EYS: variants seen among roughly 807,000 people sequenced by gnomAD.
EYS encodes the protein EGF-like photoreceptor maintenance factor, also known as protein eyes shut homolog.
EYS carries 250 observed loss-of-function variants against 282.1 expected under a neutral mutation model. That is an observed-to-expected ratio of 0.89 (90% CI 0.80 to 0.98). The LOEUF (loss-of-function observed/expected upper bound fraction) is 0.98, where lower values mean the gene tolerates loss of function less well. Among genes scored for constraint, EYS ranks in the 50% least tolerant of loss-of-function variants. The pLI is 0.00. For synonymous variants in EYS, 1,355 were observed against 1,282.9 expected (o/e 1.06, Z -1.20); for missense variants, 4,016 against 3,709.0 (o/e 1.08, Z -2.15).
At chr6:64,270,694 A>C (rs1262205993) in intron 30 of EYS, among the ~76,000 whole-genome samples, 2 of 152,184 alleles carry the variant, frequency 1.3e-5, no homozygotes, top group African/African-American at 2.4e-5. Flanking sequence ...TTAACTTTTA[A>C]AGCATAATAA....
intron 32 of EYS, among the ~76,000 whole-genome samples, chr6:64,077,534 T>C (rs546778955): frequency 3.9e-4 from 59 of 152,168 alleles, no homozygotes; most frequent in African/African-American, 1.3e-3. Context: ...CTTCTTTTGC[T>C]TCCTATTTTA....
intron 22 of EYS, among the ~76,000 whole-genome samples, chr6:64,703,429 A>ATATATATTTTTT (rs869208549): frequency 1.3e-4 from 3 of 23,358 alleles, no homozygotes; most frequent in African/African-American, 1.9e-4. Flanking sequence ...ATATATATAT[A>ATATATATTTTTT]TTTTTTTTTT....
At chr6:64,716,115 C>A (rs1587123) in intron 22 of EYS, among the ~76,000 whole-genome samples, 133,345 of 152,178 alleles carry the variant, frequency 0.88, 58,843 homozygotes, top group Middle Eastern at 0.95. Context: ...TTAATCACAC[C>A]CTGCAAAAGG....
chr6:64,700,160 C>T (rs1215467625), intron 22 of EYS, among the ~76,000 whole-genome samples: 2 of 151,880 alleles, frequency 1.3e-5, no homozygotes, highest in African/African-American at 4.8e-5. Context: ...AGATGCAGAA[C>T]AAGCATTTGA....
intron 26 of EYS, among the ~76,000 whole-genome samples, chr6:64,531,139 T>C (rs908944134): frequency 2.0e-5 from 3 of 152,150 alleles, no homozygotes; most frequent in African/African-American, 7.2e-5. Context: ...ACAGATCTCA[T>C]ATTTTTAAAT....
At chr6:63,753,140 G>A (rs898416165) in intron 41 of EYS, among the ~76,000 whole-genome samples, 5 of 136,030 alleles carry the variant, frequency 3.7e-5, no homozygotes, top group East Asian at 4.3e-4. Flanking sequence ...GTGTGTGTGT[G>A]TATATATATA....
intron 22 of EYS, among the ~76,000 whole-genome samples, chr6:64,789,275 C>G (rs1209769790): frequency 6.6e-6 from 1 of 152,192 alleles, no homozygotes; most frequent in Non-Finnish European, 1.5e-5. Flanking sequence ...GTAATGCACA[C>G]AAATCACTTG....
At chr6:63,923,726 T>A (rs1027471600) in intron 35 of EYS, among the ~76,000 whole-genome samples, 1 of 152,196 alleles carries the variant, frequency 6.6e-6, no homozygotes, top group African/African-American at 2.4e-5. Flanking sequence ...TTTGTCCTCC[T>A]CCTTCTCTCC....
At chr6:65,641,685 T>C (rs1767281410) in intron 1 of EYS, among the ~76,000 whole-genome samples, 1 of 152,254 alleles carries the variant, frequency 6.6e-6, no homozygotes, top group African/African-American at 2.4e-5. Context: ...TAACTTCACA[T>C]CCTTGTATAT....
chr6:65,612,673 T>A (rs1766042147), intron 2 of EYS, among the ~76,000 whole-genome samples: 1 of 151,914 alleles, frequency 6.6e-6, no homozygotes, highest in Middle Eastern at 3.5e-3. Context: ...TGGTATTACA[T>A]AATCACTCAT....
chr6:63,722,562 G>A (rs1489830191), intron 42 of EYS, among the ~76,000 whole-genome samples: 1 of 152,184 alleles, frequency 6.6e-6, no homozygotes, highest in African/African-American at 2.4e-5. Context: ...TGCAAGCTTG[G>A]AAAAAGCATG....
At chr6:65,072,432 C>T (rs570767272) in intron 12 of EYS, among the ~76,000 whole-genome samples, 52 of 151,902 alleles carry the variant, frequency 3.4e-4, no homozygotes, top group African/African-American at 1.1e-3. Flanking sequence ...AATTATGTCT[C>T]TTTCTAAACA....
At chr6:65,519,892 T>A (rs1288534602) in intron 2 of EYS, among the ~76,000 whole-genome samples, 2 of 77,610 alleles carry the variant, frequency 2.6e-5, no homozygotes, top group African/African-American at 2.5e-4. Flanking sequence ...AATTTTTCTA[T>A]TTTTTTTTTT....
chr6:64,641,044 A>G (rs1768132368), intron 22 of EYS, among the ~76,000 whole-genome samples: 1 of 152,174 alleles, frequency 6.6e-6, no homozygotes. Context: ...TTTAACTCCA[A>G]AGCTATATCT....
chr6:65,033,182 G>T (rs12216106), intron 13 of EYS, among the ~76,000 whole-genome samples: 51,313 of 152,010 alleles, frequency 0.34, 10,643 homozygotes, highest in Admixed American at 0.46. Context: ...GTGGGAGAAA[G>T]AAATGACCCA....
chr6:64,333,930 C>G (rs891884935), intron 29 of EYS, among the ~76,000 whole-genome samples: 7 of 152,182 alleles, frequency 4.6e-5, no homozygotes, highest in African/African-American at 7.2e-5. Flanking sequence ...AGAATTGATG[C>G]CGCAAGACAA....
chr6:64,763,488 C>T (rs1445668736), intron 22 of EYS, among the ~76,000 whole-genome samples: 1 of 152,130 alleles, frequency 6.6e-6, no homozygotes, highest in Non-Finnish European at 1.5e-5. Context: ...CAAATCCTCA[C>T]AATCCAATCA....
At chr6:65,654,296 A>C (rs1767745752) in intron 1 of EYS, among the ~76,000 whole-genome samples, 1 of 151,864 alleles carries the variant, frequency 6.6e-6, no homozygotes, top group Non-Finnish European at 1.5e-5. Context: ...ATAGTTACTC[A>C]CAGACCTGAG....
At chr6:63,831,359 G>A (rs1361445903) in intron 36 of EYS, among the ~76,000 whole-genome samples, 1 of 152,018 alleles carries the variant, frequency 6.6e-6, no homozygotes, top group East Asian at 1.9e-4. Flanking sequence ...TCAAAATAAA[G>A]GGATGAAGGA....
Sources: gnomAD v4.1 joint callset for allele counts (sites outside exome capture counted in the v4.1 genomes callset) on GRCh38, gnomAD v4.1.1 for gene constraint, MANE v1.5 for transcripts, NCBI Gene and HGNC (gene_info 2026-07-23, HGNC 2026-07-21) for gene names.